Variants in CAMSAP1 observed in about 807,000 individuals in gnomAD.
CAMSAP1 encodes the protein calmodulin-regulated spectrin-associated protein 1.
A neutral mutation model predicts 143.5 loss-of-function variants in CAMSAP1; 58 were observed. The ratio of observed to expected loss-of-function variants is 0.40; its 90% CI spans 0.33 to 0.50. The LOEUF is 0.50. Ranked by LOEUF, CAMSAP1 falls within the 20% of genes least tolerant of loss-of-function variation. CAMSAP1 has a pLI of 0.45. For synonymous variants in CAMSAP1, 945 were observed against 859.3 expected (o/e 1.10, Z -1.74); for missense variants, 1,969 against 2,115.7 (o/e 0.93, Z 1.36).
intron 4 of CAMSAP1, among the ~76,000 whole-genome samples, chr9:135,863,932 G>T (rs1463314039): frequency 2.0e-5 from 3 of 152,128 alleles, no homozygotes; most frequent in African/African-American, 7.2e-5. Context: ...TGGATGGGGT[G>T]GGCTTAAGGT....
chr9:135,872,564 G>T (rs1410953947), intron 3 of CAMSAP1, among the ~76,000 whole-genome samples: 1 of 152,226 alleles, frequency 6.6e-6, no homozygotes, highest in African/African-American at 2.4e-5. Flanking sequence ...CACTCTAAGA[G>T]ATTGTCAGAT....
At chr9:135,906,905 C>T (rs1838799120) in intron 1 of CAMSAP1, 95 bp downstream of exon 1, 4 of 751,646 alleles carry the variant, frequency 5.3e-6, no homozygotes, top group Non-Finnish European at 6.5e-6. Context: ...CACAAAGGCG[C>T]GGCGCGCGGA....
At chr9:135,855,466 G>C (rs1836923687) in intron 5 of CAMSAP1, among the ~76,000 whole-genome samples, 1 of 152,026 alleles carries the variant, frequency 6.6e-6, no homozygotes, top group Non-Finnish European at 1.5e-5. Flanking sequence ...TAAGAAGCTG[G>C]CTGGGCTCAT....
At position 135,821,941 on chromosome 9, in the gene CAMSAP1, C is replaced by A; in HGVS notation, c.2720G>T (p.Arg907Leu). The stretch of plus-strand genomic sequence containing the variant: ...GAATGCAGCCTTGCCGAGCTTCAGG[C>A]GCTGCCTTGCCGACAGCGCCTCCAT... The part of the protein sequence containing the change: ...KKMEALSARQ[R>L]LKLGKAAFLH... Residue 907 changes from arginine to leucine, a missense_variant, in exon 11 of 17, where the codon CGC (arginine) becomes CTC (leucine). Coordinates refer to ENST00000389532, the MANE Select transcript of CAMSAP1 (RefSeq NM_015447.4). This position sits in a 1 kb window ranked among gnomAD's most constrained non-coding sequence, Gnocchi z 4.6. 6.2e-7 allele frequency: 1 copy of A among 1,612,788 alleles called. No individual in the cohort carries two copies. Among genetic ancestry groups the A allele is most frequent in the African/African-American group, 1.3e-5 (1 of 74,978 alleles).
intron 1 of CAMSAP1, among the ~76,000 whole-genome samples, chr9:135,885,095 C>T (rs1019739517): frequency 9.2e-5 from 14 of 152,202 alleles, no homozygotes; most frequent in Admixed American, 5.9e-4. Context: ...TTTCTCCTTT[C>T]GGGGTACCTG....
intron 1 of CAMSAP1, among the ~76,000 whole-genome samples, chr9:135,905,383 T>C (rs992999882): frequency 6.6e-5 from 10 of 152,232 alleles, no homozygotes; most frequent in African/African-American, 2.4e-4. Flanking sequence ...GTTCTTTTTA[T>C]AGCAATTTGT....
At chr9:135,877,080 T>C (rs1048658984) in intron 3 of CAMSAP1, among the ~76,000 whole-genome samples, 2 of 151,892 alleles carry the variant, frequency 1.3e-5, no homozygotes, top group African/African-American at 2.4e-5. Flanking sequence ...AGGCAAAAAC[T>C]GGAAACAACC....
intron 1 of CAMSAP1, among the ~76,000 whole-genome samples, chr9:135,888,906 G>A (rs969997287): frequency 1.3e-5 from 2 of 152,194 alleles, no homozygotes; most frequent in Non-Finnish European, 2.9e-5. Context: ...GGAGCGCCAG[G>A]TGCACAGACA....
chr9:135,822,788 A>G lies in CAMSAP1; in HGVS notation c.1873T>C (p.Ser625Pro), dbSNP rs1835528034. 3.7e-6 allele frequency: 6 copies of G among 1,613,828 alleles called. No homozygotes were observed. The highest frequency in any genetic ancestry group is 5.1e-6 in the Non-Finnish European group (6 of 1,179,832). Residue 625 changes from serine (S) to proline (P), a missense_variant, in exon 11 of 17, where the codon TCT becomes CCT. By Grantham distance (74) the Ser-to-Pro change is moderately conservative. Transcript: ENST00000389532. This position sits in a 1 kb window ranked among gnomAD's most constrained non-coding sequence, Gnocchi z 6.1. ...RGEGRPRSIV[S>P]RRPSEGPQPL... ...TGGGGGCCCTCGCTGGGCCTCCTAG[A>G]CACGATGCTCCTCGGTCTCCCTTCC...
At chr9:135,868,406 C>T (rs1837456494) in intron 3 of CAMSAP1, among the ~76,000 whole-genome samples, 1 of 152,114 alleles carries the variant, frequency 6.6e-6, no homozygotes, top group East Asian at 1.9e-4. Flanking sequence ...TTCACATTTG[C>T]AAACATGTTA....
chr9:135,867,440 C>A (rs1337961755), intron 3 of CAMSAP1, among the ~76,000 whole-genome samples: 4 of 151,310 alleles, frequency 2.6e-5, no homozygotes, highest in African/African-American at 9.7e-5. Context: ...AGTCCAAAAA[C>A]CGCACGCCAG....
At chr9:135,866,650 A>T in intron 3 of CAMSAP1, 114 bp from the exon 4 acceptor site, 1 of 641,208 alleles carries the variant, frequency 1.6e-6, no homozygotes, top group Non-Finnish European at 2.8e-6. Flanking sequence ...ACTCCTAGAC[A>T]TAGGTATTGT....
chr9:135,895,487 A>G (rs926214566), intron 1 of CAMSAP1, among the ~76,000 whole-genome samples: 1 of 152,194 alleles, frequency 6.6e-6, no homozygotes, highest in African/African-American at 2.4e-5. Context: ...CAGCAAGACT[A>G]TCCTTAAAAA....
chr9:135,900,370 C>T (rs1564464401), intron 1 of CAMSAP1, among the ~76,000 whole-genome samples: 3 of 151,934 alleles, frequency 2.0e-5, no homozygotes, highest in East Asian at 1.9e-4. Flanking sequence ...AGTGATGGGA[C>T]GAGAGTGACT....
Position 135,827,423 on chromosome 9 carries a change from C to G in CAMSAP1, c.1207G>C (p.Glu403Gln), listed in dbSNP as rs766725143. 2.0e-5 allele frequency: 31 copies of G among 1,569,426 alleles called. No individual in the cohort carries two copies. Among genetic ancestry groups the G allele is most frequent in the Non-Finnish European group, 1.6e-5 (18 of 1,149,944 alleles). ...EGCHRHYLHP[E>Q]EPEYLGKGTA... ...CAGACTTACAGGTATTCAGGTTCTTCCGGGTGCAGGTAGTGCCTGTGACAG... is the reference window on the plus strand; with the variant it reads ...CAGACTTACAGGTATTCAGGTTCTTGCGGGTGCAGGTAGTGCCTGTGACAG... Residue 403 changes from glutamate to glutamine, a missense_variant, in exon 8 of 17, where the codon GAA (glutamate) becomes CAA (glutamine). Physicochemically the swap from Glu to Gln is conservative, Grantham distance 29. Coordinates refer to ENST00000389532, the MANE Select transcript of CAMSAP1 (RefSeq NM_015447.4).
intron 1 of CAMSAP1, among the ~76,000 whole-genome samples, chr9:135,903,901 C>A (rs955056442): frequency 5.3e-5 from 8 of 152,216 alleles, no homozygotes; most frequent in African/African-American, 1.9e-4. Context: ...AAACCCCCTC[C>A]CCACTCAGTC....
At chr9:135,814,391 T>C (rs534298967) in intron 16 of CAMSAP1, among the ~76,000 whole-genome samples, 1 of 152,304 alleles carries the variant, frequency 6.6e-6, no homozygotes, top group African/African-American at 2.4e-5. Flanking sequence ...CACAAGCCGT[T>C]GTATCCCAAG....
At chr9:135,897,850 A>T (rs560889912) in intron 1 of CAMSAP1, among the ~76,000 whole-genome samples, 3 of 152,366 alleles carry the variant, frequency 2.0e-5, no homozygotes, top group Non-Finnish European at 4.4e-5. Flanking sequence ...TTCAGGCCAC[A>T]GTTGACCAAA....
At chr9:135,814,468 C>T (rs1318451652) in intron 16 of CAMSAP1, among the ~76,000 whole-genome samples, 1 of 152,234 alleles carries the variant, frequency 6.6e-6, no homozygotes, top group East Asian at 1.9e-4. Flanking sequence ...GCCTCCTCTC[C>T]CCTGGAATCC....
Sources: allele counts gnomAD v4.1 joint callset (sites outside exome capture counted in the v4.1 genomes callset), GRCh38; gene constraint gnomAD v4.1.1; non-coding constraint Gnocchi (gnomAD v3.1); transcripts MANE v1.5; gene names NCBI Gene and HGNC (gene_info 2026-07-23, HGNC 2026-07-21).